Variants in PID1 observed in about 807,000 individuals in gnomAD.
The protein encoded by PID1 is PTB-containing, cubilin and LRP1-interacting protein.
Under a neutral mutation model 19.1 loss-of-function variants are expected in PID1, and 10 were observed. The observed-to-expected ratio is 0.52, with a 90% CI of 0.32 to 0.89. The LOEUF (loss-of-function observed/expected upper bound fraction) is 0.89, where lower values mean the gene tolerates loss of function less well. PID1 is among the 40% of genes least tolerant of loss of function. The pLI, the probability that PID1 is intolerant of heterozygous loss-of-function variation, is 0.03. For synonymous variants in PID1, 130 were observed against 116.0 expected, an observed-to-expected ratio of 1.12 and a Z score of -0.78; for missense variants, 248 against 285.3, an observed-to-expected ratio of 0.87 and a Z score of 0.94.
chr2:229,183,189 G>A (rs1472559006), intron 1 of PID1, among the ~76,000 whole-genome samples: 1 of 152,178 alleles, frequency 6.6e-6, no homozygotes, highest in Non-Finnish European at 1.5e-5. Flanking sequence ...TGTGAAGATG[G>A]ACGCAGAGGC....
intron 1 of PID1, among the ~76,000 whole-genome samples, chr2:229,223,877 G>A (rs946683818): frequency 2.0e-5 from 3 of 152,100 alleles, no homozygotes; most frequent in South Asian, 2.1e-4. Flanking sequence ...CGGACACATC[G>A]CCCAAATAGT....
chr2:229,149,705 A>C (rs1324432159), intron 2 of PID1, among the ~76,000 whole-genome samples: 2 of 152,194 alleles, frequency 1.3e-5, no homozygotes, highest in Non-Finnish European at 2.9e-5. Context: ...AAATGGGAAG[A>C]TGACCGTAGC....
chr2:229,167,479 A>C (rs1347514859), intron 1 of PID1, among the ~76,000 whole-genome samples: 1 of 152,158 alleles, frequency 6.6e-6, no homozygotes, highest in Non-Finnish European at 1.5e-5. Flanking sequence ...TCATTAGAAA[A>C]TACAGACAAA....
At chr2:229,168,483 C>G (rs544957687) in intron 1 of PID1, among the ~76,000 whole-genome samples, 2 of 152,084 alleles carry the variant, frequency 1.3e-5, no homozygotes, top group Non-Finnish European at 2.9e-5. Context: ...ATCCCTTTTA[C>G]TTTGTTGTCA....
intron 2 of PID1, among the ~76,000 whole-genome samples, chr2:229,038,717 T>C (rs1038872739): frequency 6.6e-6 from 1 of 152,180 alleles, no homozygotes; most frequent in African/African-American, 2.4e-5. Flanking sequence ...AGAGAAAATA[T>C]GACAGGGTAG....
intron 1 of PID1, among the ~76,000 whole-genome samples, chr2:229,242,019 TTTTG>T (rs1036657554): frequency 2.8e-5 from 2 of 71,778 alleles, no homozygotes; most frequent in Admixed American, 2.2e-4. Context: ...GTGTTTTTGT[TTTTG>T]TTTTTGTTTT....
At chr2:229,144,626 A>AC (rs1384180386) in intron 2 of PID1, among the ~76,000 whole-genome samples, 6 of 152,176 alleles carry the variant, frequency 3.9e-5, no homozygotes, top group South Asian at 2.1e-4. Flanking sequence ...AAAGAGAGTG[A>AC]GTATAGTCAT....
chr2:229,114,135 TTCTC>T (rs1446456698), intron 2 of PID1, among the ~76,000 whole-genome samples: 8 of 93,700 alleles, frequency 8.5e-5, no homozygotes, highest in Non-Finnish European at 1.8e-4. Flanking sequence ...CTCTCTCTCT[TTCTC>T]TCTCTCTCTC....
chr2:229,213,552 A>C (rs889517770), intron 1 of PID1, among the ~76,000 whole-genome samples: 2 of 152,230 alleles, frequency 1.3e-5, no homozygotes, highest in African/African-American at 4.8e-5. Context: ...GGTTCCTTGC[A>C]AGAATAGCAA....
At chr2:229,081,813 T>C (rs1365819626) in intron 2 of PID1, among the ~76,000 whole-genome samples, 2 of 152,230 alleles carry the variant, frequency 1.3e-5, no homozygotes, top group African/African-American at 4.8e-5. Context: ...CATGTTGGCA[T>C]TTACTGGGAA....
chr2:229,086,910 T>TACACACACACACACACAC lies in PID1; in HGVS notation c.178-60820_178-60803dup, dbSNP rs3083831. On this transcript the variant is annotated intron_variant, in intron 2 of 2. Transcript: ENST00000392055. ...AGTTAAGTATGCTTGCACACGTGTG[T>TACACACACACACACACAC]ACACACACACACACACACACACACA... Among the ~76,000 whole-genome samples, 46 of 150,158 alleles carry TACACACACACACACACAC rather than the reference T, an allele frequency of 3.1e-4. 1 individual carries two copies. In the South Asian group the frequency reaches 6.4e-3, roughly 21 times the overall value.
intron 2 of PID1, among the ~76,000 whole-genome samples, chr2:229,085,122 T>C (rs933072931): frequency 1.3e-5 from 2 of 151,922 alleles, no homozygotes; most frequent in Admixed American, 6.6e-5. Context: ...ACTATGACAA[T>C]TGCAACTATT....
intron 2 of PID1, among the ~76,000 whole-genome samples, chr2:229,053,511 C>G (rs577709187): frequency 6.6e-5 from 10 of 152,154 alleles, no homozygotes; most frequent in African/African-American, 2.4e-4. Flanking sequence ...TGCTGTAATC[C>G]AAGCTAGAAC....
chr2:229,147,289 C>G (rs973262796), intron 2 of PID1, among the ~76,000 whole-genome samples: 2 of 151,994 alleles, frequency 1.3e-5, no homozygotes, highest in Non-Finnish European at 2.9e-5. Flanking sequence ...TATAAATTTT[C>G]CAGACAAACT....
chr2:229,054,717 TGTGGGGG>T (rs1374844113), intron 2 of PID1, among the ~76,000 whole-genome samples: 2 of 8,748 alleles, frequency 2.3e-4, no homozygotes, highest in African/African-American at 6.1e-4. Flanking sequence ...TGTGTGTGTG[TGTGGGGG>T]GGGGGGGGGG....
intron 1 of PID1, among the ~76,000 whole-genome samples, chr2:229,203,003 G>A (rs1405462263): frequency 6.6e-6 from 1 of 152,046 alleles, no homozygotes; most frequent in Non-Finnish European, 1.5e-5. Context: ...ACAGTTTCAG[G>A]GGTTTCTGCT....
At chr2:229,117,366 C>A (rs949415608) in intron 2 of PID1, among the ~76,000 whole-genome samples, 1 of 152,140 alleles carries the variant, frequency 6.6e-6, no homozygotes, top group Admixed American at 6.5e-5. Flanking sequence ...ATCAAATCTA[C>A]CTTCACAATC....
At chr2:229,197,200 C>T (rs921832180) in intron 1 of PID1, among the ~76,000 whole-genome samples, 4 of 151,912 alleles carry the variant, frequency 2.6e-5, no homozygotes, top group Non-Finnish European at 5.9e-5. Context: ...AATGAAGGCA[C>T]ACAAATTTGA....
At chr2:229,184,445 G>T (rs369723638) in intron 1 of PID1, among the ~76,000 whole-genome samples, 41 of 3,804 alleles carry the variant, frequency 0.011, 1 homozygote, top group African/African-American at 0.022. Flanking sequence ...TATATATATA[G>T]CCCGTATATA....
Sources: gnomAD v4.1 joint callset for allele counts (sites outside exome capture counted in the v4.1 genomes callset) on GRCh38, gnomAD v4.1.1 for gene constraint, MANE v1.5 for transcripts, NCBI Gene and HGNC (gene_info 2026-07-23, HGNC 2026-07-21) for gene names.